Variants in HYAL4 observed in about 807,000 individuals in gnomAD.
The protein encoded by HYAL4 is hyaluronidase 4.
Under a neutral mutation model 35.2 loss-of-function variants are expected in HYAL4, and 37 were observed. The ratio of observed to expected loss-of-function variants is 1.05; its 90% confidence interval spans 0.81 to 1.38. The LOEUF is 1.38. HYAL4 is among the 40% of genes most tolerant of loss of function. The pLI is 0.00. For synonymous variants in HYAL4, 198 were observed against 203.2 expected (o/e 0.97, Z 0.22); for missense variants, 572 against 572.4 (o/e 1.00, Z 0.01).
upstream of HYAL4, among the ~76,000 whole-genome samples, chr7:123,840,336 A>G (rs972595488): frequency 1.3e-5 from 2 of 151,994 alleles, no homozygotes; most frequent in African/African-American, 4.8e-5. Context: ...GTTCTGTTCC[A>G]TTGGTCTATA....
the HYAL4 span, among the ~76,000 whole-genome samples, chr7:123,787,148 C>T: frequency 6.7e-6 from 1 of 149,924 alleles, no homozygotes; most frequent in Non-Finnish European, 1.5e-5. Context: ...AAAAAAGCTG[C>T]ATTACTTTAT....
intron 1 of HYAL4, among the ~76,000 whole-genome samples, chr7:123,836,433 A>C (rs1291373081): frequency 6.6e-6 from 1 of 152,148 alleles, no homozygotes; most frequent in Non-Finnish European, 1.5e-5. Context: ...TGCATGGAAT[A>C]TCTTTTTCCA....
At position 123,866,235 on chromosome 7, in the gene HYAL4, C is replaced by T. The variant is rs566306823; in HGVS notation, c.-51-1988C>T. On this transcript the variant is annotated intron_variant, in intron 2 of 4. Coordinates refer to ENST00000223026, the MANE Select transcript of HYAL4 (RefSeq NM_012269.3). The stretch of plus-strand genomic sequence containing the variant: ...GCGGTGTCCCTTGAGGACAATATCT[C>T]CACTTAACAGTAACATTATGGGCAT... Among the ~76,000 whole-genome samples the T allele has an allele frequency of 3.9e-5, 6 of 152,316 alleles. No homozygotes were observed. The East Asian group carries it at 1.2e-3, about 29-fold the overall frequency.
chr7:123,789,091 A>G, the HYAL4 span, among the ~76,000 whole-genome samples: 1,329 of 152,356 alleles, frequency 8.7e-3, 21 homozygotes, highest in African/African-American at 0.03. Context: ...TTTATCCAGC[A>G]CATATTTATG....
At chr7:123,875,201 T>C (rs1297580133) in intron 4 of HYAL4, among the ~76,000 whole-genome samples, 2 of 152,204 alleles carry the variant, frequency 1.3e-5, no homozygotes, top group Admixed American at 6.5e-5. Flanking sequence ...TAGTTAGTGG[T>C]AGAGTTGGCA....
chr7:123,787,974 T>C, the HYAL4 span, among the ~76,000 whole-genome samples: 3 of 152,178 alleles, frequency 2.0e-5, no homozygotes, highest in Non-Finnish European at 4.4e-5. Context: ...TTTGTTTCTT[T>C]ATAAATGGGT....
At chr7:123,795,313 A>G in the HYAL4 span, among the ~76,000 whole-genome samples, 1 of 152,212 alleles carries the variant, frequency 6.6e-6, no homozygotes. Flanking sequence ...AGTTATTGTT[A>G]GAATGAGTTA....
intron 2 of HYAL4, among the ~76,000 whole-genome samples, chr7:123,865,986 C>T (rs1355856331): frequency 6.6e-6 from 1 of 152,156 alleles, no homozygotes; most frequent in Non-Finnish European, 1.5e-5. Context: ...ATAAAACCAT[C>T]AGATGGCATG....
upstream of HYAL4, among the ~76,000 whole-genome samples, chr7:123,841,956 T>C (rs1365436873): frequency 2.0e-5 from 3 of 152,154 alleles, no homozygotes; most frequent in East Asian, 3.9e-4. Context: ...CCTGGATTCA[T>C]TGATTTTTTT....
chr7:123,791,254 G>C, the HYAL4 span, among the ~76,000 whole-genome samples: 6 of 152,218 alleles, frequency 3.9e-5, no homozygotes, highest in African/African-American at 1.4e-4. Context: ...ATATTTAAAA[G>C]GGCTTATGAG....
chr7:123,775,737 A>G, the HYAL4 span, among the ~76,000 whole-genome samples: 2 of 152,068 alleles, frequency 1.3e-5, no homozygotes, highest in African/African-American at 2.4e-5. Context: ...TTTAGATGTC[A>G]TCTTTCCTGT....
At chr7:123,841,310 A>G (rs1272874737), upstream of HYAL4, among the ~76,000 whole-genome samples, 2 of 151,998 alleles carry the variant, frequency 1.3e-5, no homozygotes, top group Admixed American at 1.3e-4. Context: ...TGTATGTTGA[A>G]CAAGCCTTGC....
chr7:123,856,454 C>T (rs977434119), intron 2 of HYAL4, among the ~76,000 whole-genome samples: 15 of 152,210 alleles, frequency 9.9e-5, no homozygotes, highest in African/African-American at 3.6e-4. Flanking sequence ...TCAGGTCCCT[C>T]TTCTGCAGGT....
the HYAL4 span, among the ~76,000 whole-genome samples, chr7:123,792,506 A>G: frequency 3.3e-5 from 5 of 152,228 alleles, no homozygotes; most frequent in African/African-American, 1.2e-4. Context: ...CTGCCAGGGC[A>G]TACAAATAGT....
the HYAL4 span, among the ~76,000 whole-genome samples, chr7:123,796,497 C>A: frequency 2.6e-5 from 4 of 152,124 alleles, no homozygotes; most frequent in Admixed American, 2.0e-4. Context: ...CCCAAGACAA[C>A]AGAGCAAGCA....
the HYAL4 span, among the ~76,000 whole-genome samples, chr7:123,807,798 C>T: frequency 6.6e-6 from 1 of 151,592 alleles, no homozygotes; most frequent in African/African-American, 2.4e-5. Context: ...GTGGCATGAT[C>T]ATAGTTCGCG....
intron 2 of HYAL4, among the ~76,000 whole-genome samples, chr7:123,849,369 T>C (rs1316348927): frequency 4.6e-5 from 7 of 151,852 alleles, no homozygotes; most frequent in Non-Finnish European, 8.8e-5. Flanking sequence ...GGCGCGATCT[T>C]GGCTCACTGC....
chr7:123,876,181 T>C, intron 4 of HYAL4: 1 of 390,480 alleles, frequency 2.6e-6, no homozygotes, highest in Non-Finnish European at 5.0e-6. Flanking sequence ...TGAATTGTAT[T>C]AGAAGTACAG....
At chr7:123,842,786 T>C (rs1806095358), upstream of HYAL4, among the ~76,000 whole-genome samples, 1 of 152,056 alleles carries the variant, frequency 6.6e-6, no homozygotes, top group African/African-American at 2.4e-5. Context: ...TTTGTTGGTT[T>C]AAAGTCTGTT....
Sources: allele counts gnomAD v4.1 joint callset (sites outside exome capture counted in the v4.1 genomes callset), GRCh38; gene constraint gnomAD v4.1.1; transcripts MANE v1.5; gene names NCBI Gene and HGNC (gene_info 2026-07-23, HGNC 2026-07-21).